Variants in LRP1B observed in about 807,000 individuals in gnomAD.
LRP1B encodes the protein low-density lipoprotein receptor-related protein 1B.
In LRP1B, 217 loss-of-function variants were observed where a neutral mutation model predicts 556.6. The observed-to-expected ratio is 0.39, with a 90% CI of 0.35 to 0.44. LRP1B has a LOEUF of 0.44. LRP1B is among the 20% of genes least tolerant of loss of function. The pLI is 1.00. For missense variants in LRP1B, 5,053 were observed against 5,620.8 expected (o/e 0.90, Z 3.23); for synonymous variants, 2,047 against 1,865.8 (o/e 1.10, Z -2.50).
intron 55 of LRP1B, among the ~76,000 whole-genome samples, chr2:140,499,651 C>A (rs954773873): frequency 5.3e-5 from 8 of 151,838 alleles, no homozygotes. Flanking sequence ...ATATTGAATG[C>A]TGTAGGCAAT....
At chr2:141,872,605 A>T (rs1005999360) in intron 1 of LRP1B, among the ~76,000 whole-genome samples, 1 of 145,832 alleles carries the variant, frequency 6.9e-6, no homozygotes, top group African/African-American at 2.5e-5. Flanking sequence ...TTTTAAAAAC[A>T]TTCAGTTTTA....
At position 140,786,606 on chromosome 2, in the gene LRP1B, AT is replaced by A. The variant is rs965850782; in HGVS notation, c.5360-10369del. Among the ~76,000 whole-genome samples the A allele has an allele frequency of 9.7e-4, 147 of 151,718 alleles. 1 individual carries two copies. Among genetic ancestry groups the A allele is most frequent in the African/African-American group, 3.3e-3 (138 of 41,252 alleles). Reference sequence around the variant, plus strand: ...TCTCTTTTCTATGCCTTTTCCTAAGATTTTTTTTTCTTAAGCAGAGAATTTG... The same window carrying A: ...TCTCTTTTCTATGCCTTTTCCTAAGATTTTTTTTCTTAAGCAGAGAATTTG... On this transcript the variant is annotated intron_variant, in intron 32 of 90. Transcript: ENST00000389484.
At chr2:141,464,609 T>A in intron 3 of LRP1B, among the ~76,000 whole-genome samples, 1 of 137,394 alleles carries the variant, frequency 7.3e-6, no homozygotes, top group African/African-American at 2.7e-5. Context: ...TATATATATT[T>A]TTTTAGTAGA....
At chr2:140,954,167 T>C (rs1695803786) in intron 18 of LRP1B, among the ~76,000 whole-genome samples, 1 of 152,178 alleles carries the variant, frequency 6.6e-6, no homozygotes, top group African/African-American at 2.4e-5. Flanking sequence ...AACAAGATAG[T>C]GAGAACTCAC....
intron 1 of LRP1B, among the ~76,000 whole-genome samples, chr2:141,973,946 A>G (rs1454106138): frequency 6.6e-6 from 1 of 151,906 alleles, no homozygotes; most frequent in Admixed American, 6.6e-5. Flanking sequence ...AAATGGATAT[A>G]ATCAAAATGT....
At chr2:141,061,685 G>T (rs1177048820) in intron 8 of LRP1B, among the ~76,000 whole-genome samples, 1 of 151,808 alleles carries the variant, frequency 6.6e-6, no homozygotes, top group Non-Finnish European at 1.5e-5. Context: ...TGGGACAGAT[G>T]ATAGTCCAGC....
chr2:141,288,305 T>A (rs1417035698), intron 3 of LRP1B, among the ~76,000 whole-genome samples: 2 of 151,966 alleles, frequency 1.3e-5, no homozygotes, highest in East Asian at 1.9e-4. Flanking sequence ...AAATCTTTTA[T>A]ATTTACCCAG....
intron 5 of LRP1B, 51 bp downstream of exon 5, chr2:141,247,175 A>G: frequency 6.2e-7 from 1 of 1,606,816 alleles, no homozygotes; most frequent in Non-Finnish European, 8.5e-7. Context: ...AGAATTGTAA[A>G]AAGGAAACAA....
chr2:140,621,596 A>G (rs1025036723), intron 41 of LRP1B, among the ~76,000 whole-genome samples: 1 of 152,144 alleles, frequency 6.6e-6, no homozygotes, highest in Non-Finnish European at 1.5e-5. Flanking sequence ...TAACCCACTT[A>G]AATGTAGGGA....
intron 1 of LRP1B, among the ~76,000 whole-genome samples, chr2:141,929,631 T>G (rs1038609556): frequency 2.0e-5 from 3 of 152,060 alleles, no homozygotes; most frequent in Non-Finnish European, 4.4e-5. Context: ...TTTTAAACTT[T>G]CACTATCATT....
chr2:142,061,515 G>A (rs188260602), intron 1 of LRP1B, among the ~76,000 whole-genome samples: 1 of 152,054 alleles, frequency 6.6e-6, no homozygotes, highest in East Asian at 1.9e-4. Flanking sequence ...ATAACACAAG[G>A]TAGTGCAGCA....
intron 22 of LRP1B, 96 bp downstream of exon 22, chr2:140,907,781 A>C: frequency 9.6e-7 from 1 of 1,038,532 alleles, no homozygotes; most frequent in Non-Finnish European, 1.5e-6. Flanking sequence ...AAAGGGAATG[A>C]ATGAAAGGAA....
intron 35 of LRP1B, among the ~76,000 whole-genome samples, chr2:140,730,809 G>A (rs1006716382): frequency 2.0e-5 from 3 of 152,008 alleles, no homozygotes; most frequent in Non-Finnish European, 2.9e-5. Flanking sequence ...CGCCTGCCTC[G>A]GCCTCCCAAA....
At chr2:140,494,893 C>T (rs185071552) in intron 56 of LRP1B, among the ~76,000 whole-genome samples, 6 of 151,998 alleles carry the variant, frequency 3.9e-5, no homozygotes, top group Admixed American at 3.9e-4. Context: ...TACTTAAAAA[C>T]AAGCGGAATA....
intron 17 of LRP1B, among the ~76,000 whole-genome samples, chr2:140,985,863 ATTT>A (rs1220879700): frequency 5.3e-5 from 8 of 151,384 alleles, no homozygotes; most frequent in African/African-American, 1.7e-4. Context: ...TTTGTTACAG[ATTT>A]TTATTTTTGT....
intron 35 of LRP1B, among the ~76,000 whole-genome samples, chr2:140,718,742 T>G (rs1687296067): frequency 6.6e-6 from 1 of 152,006 alleles, no homozygotes; most frequent in Non-Finnish European, 1.5e-5. Flanking sequence ...ACCAACTCCC[T>G]CCAATCCTCC....
intron 47 of LRP1B, 132 bp downstream of exon 47, chr2:140,533,889 G>T: frequency 1.1e-6 from 1 of 899,032 alleles, no homozygotes; most frequent in Non-Finnish European, 1.7e-6. Flanking sequence ...CATTCCAACA[G>T]CATTTACCAA....
intron 3 of LRP1B, among the ~76,000 whole-genome samples, chr2:141,323,723 C>T (rs982167848): frequency 6.6e-6 from 1 of 152,014 alleles, no homozygotes; most frequent in African/African-American, 2.4e-5. Flanking sequence ...ACCTCTAGAC[C>T]TCTTGGAGTT....
chr2:140,719,083 T>A (rs909561474), intron 35 of LRP1B, among the ~76,000 whole-genome samples: 1 of 152,142 alleles, frequency 6.6e-6, no homozygotes. Flanking sequence ...TCTCACAGAA[T>A]GTAATTTCTT....
Sources: allele counts gnomAD v4.1 joint callset (sites outside exome capture counted in the v4.1 genomes callset), GRCh38; gene constraint gnomAD v4.1.1; transcripts MANE v1.5; gene names NCBI Gene and HGNC (gene_info 2026-07-23, HGNC 2026-07-21).